Variants in FTCDNL1 observed in about 807,000 individuals in gnomAD.
FTCDNL1 encodes the protein formiminotransferase cyclodeaminase N-terminal like.
In FTCDNL1, 11 loss-of-function variants were observed where a neutral mutation model predicts 5.9. That is an observed-to-expected ratio of 1.87 (90% CI 1.18 to 3.10). The LOEUF (loss-of-function observed/expected upper bound fraction) is 3.10, where lower values mean the gene tolerates loss of function less well. Among genes scored for constraint, FTCDNL1 ranks in the 30% most tolerant of loss-of-function variants. FTCDNL1 has a pLI of 0.00. For synonymous variants in FTCDNL1, 58 were observed against 24.8 expected (o/e 2.34, Z -3.99); for missense variants, 115 against 65.5 (o/e 1.76, Z -2.61).
the FTCDNL1 span, among the ~76,000 whole-genome samples, chr2:199,718,010 G>T: frequency 6.9e-6 from 1 of 145,684 alleles, no homozygotes; most frequent in East Asian, 2.1e-4. Flanking sequence ...CAAAAAAAAC[G>T]AAATCACTTA....
the FTCDNL1 span, among the ~76,000 whole-genome samples, chr2:199,665,921 C>A: frequency 6.6e-6 from 1 of 151,992 alleles, no homozygotes; most frequent in African/African-American, 2.4e-5. Flanking sequence ...TAATTACCAG[C>A]AAAACCCTAT....
At chr2:199,785,249 C>CTTTTTTTTTTTTTTT (rs61047289) in intron 3 of FTCDNL1, among the ~76,000 whole-genome samples, 18,812 of 76,770 alleles carry the variant, frequency 0.25, 5,623 homozygotes, top group African/African-American at 0.42. Context: ...TTCCAAATTC[C>CTTTTTTTTTTTTTTT]TTTTTTTTTT....
At chr2:199,845,907 T>C (rs1167760328) in intron 3 of FTCDNL1, among the ~76,000 whole-genome samples, 168 bp downstream of exon 3, 1 of 152,100 alleles carries the variant, frequency 6.6e-6, no homozygotes, top group Non-Finnish European at 1.5e-5. Flanking sequence ...GGAGACTCTT[T>C]GAGATTTACA....
At chr2:199,718,908 T>C in the FTCDNL1 span, among the ~76,000 whole-genome samples, 1 of 152,242 alleles carries the variant, frequency 6.6e-6, no homozygotes, top group East Asian at 1.9e-4. Context: ...TTTTTCTTCT[T>C]CTTGAGTTGT....
At chr2:199,850,269 C>T (rs750832093) in intron 1 of FTCDNL1, among the ~76,000 whole-genome samples, 1 of 152,214 alleles carries the variant, frequency 6.6e-6, no homozygotes, top group Non-Finnish European at 1.5e-5. Flanking sequence ...TCTATGTAAA[C>T]AAAAAATTGC....
rs895832154 is a variant in FTCDNL1, at chr2:199,803,563, C to A, written c.211+42512G>T. Among the ~76,000 whole-genome samples the A allele has an allele frequency of 2.0e-5, 3 of 152,172 alleles. No homozygotes were observed. The East Asian group carries it at 5.8e-4, about 29-fold the overall frequency. On this transcript the variant is annotated intron_variant, in intron 3 of 3. Transcript: ENST00000416668. ...CACTGCAGCCTTGATCTCTCAGGCT[C>A]AAACGATCCTCACTTCTCAGCCTCC...
the FTCDNL1 span, among the ~76,000 whole-genome samples, chr2:199,732,559 C>A: frequency 3.6e-4 from 54 of 150,950 alleles, no homozygotes; most frequent in African/African-American, 1.2e-3. Flanking sequence ...TGTTACAGGG[C>A]AGTCATAAAA....
the FTCDNL1 span, among the ~76,000 whole-genome samples, chr2:199,722,342 T>C: frequency 6.6e-6 from 1 of 152,236 alleles, no homozygotes; most frequent in Admixed American, 6.5e-5. Context: ...GTTTTCTGCA[T>C]ATGGCTGGCC....
rs1175626484 is a variant in FTCDNL1 at position 199,810,750 on chromosome 2, C to G, written c.*1955G>C. Among the ~76,000 whole-genome samples, 1 of 152,180 alleles carries G rather than the reference C, an allele frequency of 6.6e-6. No individual in the cohort carries two copies. The highest frequency in any genetic ancestry group is 1.5e-5 in the Non-Finnish European group (1 of 68,034). On this transcript the variant is annotated 3_prime_UTR_variant, in exon 5 of 5. Coordinates refer to ENST00000420128, the MANE Select transcript of FTCDNL1 (RefSeq NM_001363886.2). ...TTGGGGAACCTTACATTTCTAAAAG[C>G]AAAGTTAAGCAGGGATTGATGAGGA... is the stretch of plus-strand genomic sequence containing the variant.
the FTCDNL1 span, among the ~76,000 whole-genome samples, chr2:199,712,182 T>C: frequency 6.6e-6 from 1 of 152,266 alleles, no homozygotes; most frequent in East Asian, 1.9e-4. Context: ...ACTTCAGGGA[T>C]ATAAGAACAA....
chr2:199,723,447 G>A, the FTCDNL1 span, among the ~76,000 whole-genome samples: 4 of 152,034 alleles, frequency 2.6e-5, no homozygotes, highest in Admixed American at 1.3e-4. Context: ...AGAGAGGGCC[G>A]CCTTATCTAG....
chr2:199,711,133 A>G, the FTCDNL1 span, among the ~76,000 whole-genome samples: 2 of 152,178 alleles, frequency 1.3e-5, no homozygotes, highest in African/African-American at 2.4e-5. Flanking sequence ...TTCTGATGAC[A>G]GCTCTGAATA....
chr2:199,703,204 C>A, the FTCDNL1 span, among the ~76,000 whole-genome samples: 11 of 151,790 alleles, frequency 7.2e-5, no homozygotes, highest in Non-Finnish European at 1.3e-4. Context: ...ATCCCTCCCC[C>A]CTGCCCCCAC....
the FTCDNL1 span, among the ~76,000 whole-genome samples, chr2:199,721,121 T>C: frequency 2.6e-5 from 4 of 152,186 alleles, no homozygotes; most frequent in African/African-American, 9.7e-5. Flanking sequence ...ATGTTTTAAA[T>C]TTTATTTTAT....
intron 3 of FTCDNL1, chr2:199,760,915 T>C: frequency 1.4e-6 from 1 of 697,436 alleles, no homozygotes; most frequent in East Asian, 2.7e-5. Context: ...TCAACCCCCA[T>C]TCCTTTCCTT....
At chr2:199,800,822 GA>G (rs1181233529) in intron 3 of FTCDNL1, among the ~76,000 whole-genome samples, 2 of 152,154 alleles carry the variant, frequency 1.3e-5, no homozygotes, top group Non-Finnish European at 2.9e-5. Flanking sequence ...TGTTCCTCTA[GA>G]AACAGAAATT....
At chr2:199,829,316 T>A (rs1441519264) in intron 3 of FTCDNL1, among the ~76,000 whole-genome samples, 1 of 152,208 alleles carries the variant, frequency 6.6e-6, no homozygotes, top group African/African-American at 2.4e-5. Flanking sequence ...TTTTTAAAAA[T>A]TTATATTTTT....
the FTCDNL1 span, among the ~76,000 whole-genome samples, chr2:199,664,086 TA>T: frequency 6.5e-4 from 97 of 150,118 alleles, no homozygotes; most frequent in African/African-American, 9.3e-4. Context: ...CCCAGAGCAT[TA>T]AAAAAAAAGT....
the FTCDNL1 span, among the ~76,000 whole-genome samples, chr2:199,753,148 G>A: frequency 2.6e-5 from 4 of 152,290 alleles, no homozygotes; most frequent in Non-Finnish European, 5.9e-5. Flanking sequence ...ATAAAGGTAT[G>A]TGGTGATAGC....
Sources: gnomAD v4.1 joint callset for allele counts (sites outside exome capture counted in the v4.1 genomes callset) on GRCh38, gnomAD v4.1.1 for gene constraint, MANE v1.5 for transcripts, NCBI Gene and HGNC (gene_info 2026-07-23, HGNC 2026-07-21) for gene names.